The following STAG1 variants were observed in gnomAD, a reference collection of about 807,000 sequenced individuals.
STAG1 encodes STAG1 cohesin complex component, also known as cohesin subunit SA-1.
STAG1 carries 26 observed loss-of-function variants against 170.9 expected under a neutral mutation model. The ratio of observed to expected loss-of-function variants is 0.15; its 90% CI spans 0.11 to 0.21. STAG1 has a LOEUF of 0.21. Ranked by LOEUF, STAG1 falls within the 10% of genes least tolerant of loss-of-function variation. The pLI is 1.00. For synonymous variants in STAG1, 514 were observed against 497.7 expected, an observed-to-expected ratio of 1.03 and a Z score of -0.44; for missense variants, 964 against 1,509.5, an observed-to-expected ratio of 0.64 and a Z score of 5.99.
rs114155797 is a variant in STAG1 at position 136,473,822 on chromosome 3, A to C, written c.1027-185T>G. 7.7e-3 allele frequency among the ~76,000 whole-genome samples: 1,173 copies of C among 152,034 alleles called. 19 individuals are homozygous for C. Among genetic ancestry groups the C allele is most frequent in the African/African-American group, 0.027 (1,141 of 41,504 alleles). ...TATATGTAAAAAAAAAAAAAAATTC[A>C]CTGAAAAGACCTTAGTTACTTGAGA... On this transcript the variant is annotated intron_variant, in intron 10 of 33. Transcript: ENST00000383202.
Position 136,420,464 on chromosome 3 carries a change from C to A in STAG1, c.2108+629G>T, listed in dbSNP as rs117846936. Among the ~76,000 whole-genome samples, 120 of 152,112 alleles carry A rather than the reference C, an allele frequency of 7.9e-4. 1 individual carries two copies. In the East Asian group the frequency reaches 0.023, roughly 29 times the overall value. On this transcript the variant is annotated intron_variant, in intron 20 of 33. Transcript: ENST00000383202. ...CCACCTCCCTTGGCTTCCCAAAGTG[C>A]TGGGATTATAAGGTGTGAGTCATCA...
chr3:136,596,377 C>T (rs1047442782), intron 4 of STAG1, among the ~76,000 whole-genome samples: 6 of 152,144 alleles, frequency 3.9e-5, no homozygotes, highest in African/African-American at 1.2e-4. Context: ...TGTTCATTAG[C>T]GTTTTTAATA....
intron 6 of STAG1, among the ~76,000 whole-genome samples, chr3:136,529,643 T>A (rs937981857): frequency 2.0e-5 from 3 of 152,066 alleles, no homozygotes; most frequent in African/African-American, 7.2e-5. Context: ...CACAAAAAAA[T>A]GCTCAAGAGA....
chr3:136,644,548 A>AG (rs1210217200), intron 1 of STAG1, among the ~76,000 whole-genome samples: 3 of 152,236 alleles, frequency 2.0e-5, no homozygotes, highest in Admixed American at 1.3e-4. Flanking sequence ...AAAAACTGTT[A>AG]TACTAAGTAC....
intron 32 of STAG1, 81 bp from the exon 33 acceptor site, chr3:136,338,531 CAG>C: frequency 1.9e-6 from 2 of 1,041,466 alleles, no homozygotes; most frequent in Non-Finnish European, 3.0e-6. Flanking sequence ...ATATTTCTGA[CAG>C]TATCATAAAT....
At position 136,343,898 on chromosome 3, in the gene STAG1, C is replaced by T. The variant is rs760773777; in HGVS notation, c.3380G>A (p.Arg1127Gln). 8.7e-6 allele frequency: 14 copies of T among 1,609,142 alleles called. No individual in the cohort carries two copies. The highest frequency in any genetic ancestry group is 3.3e-4 in the Middle Eastern group (2 of 6,074). Residue 1127 changes from arginine (R) to glutamine (Q), a missense_variant, in exon 30 of 34, where the codon CGG becomes CAG. By Grantham distance (43) the Arg-to-Gln change is conservative. This residue lies in a region of STAG1 where 122 missense variants were observed against 129.0 expected (regional missense o/e 0.95). Transcript: ENST00000383202. The part of the protein sequence containing the change: ...LTSTVLRENS[R>Q]PMGDQIQEPE... Reference sequence around the variant, plus strand: ...TTCTTGAATCTGGTCTCCCATGGGCCGACTGTTCTCCCGCAGTACAGTGGA... The same window carrying T: ...TTCTTGAATCTGGTCTCCCATGGGCTGACTGTTCTCCCGCAGTACAGTGGA...
At chr3:136,420,313 T>C (rs1248382886) in intron 20 of STAG1, among the ~76,000 whole-genome samples, 1 of 144,316 alleles carries the variant, frequency 6.9e-6, no homozygotes, top group Non-Finnish European at 1.5e-5. Flanking sequence ...GAAAACTGAA[T>C]AAAGGAAAAA....
intron 1 of STAG1, among the ~76,000 whole-genome samples, chr3:136,683,515 C>T (rs1183920363): frequency 3.9e-5 from 6 of 152,036 alleles, no homozygotes; most frequent in Non-Finnish European, 4.4e-5. Context: ...CCACCAGCCT[C>T]GGCCTCCCAA....
chr3:136,604,573 A>T (rs1008577115), intron 3 of STAG1, 100 bp from the exon 4 acceptor site: 4 of 1,074,004 alleles, frequency 3.7e-6, no homozygotes, highest in African/African-American at 3.3e-5. Context: ...AACCAAAAGA[A>T]ACTTTAAAAT....
intron 16 of STAG1, among the ~76,000 whole-genome samples, chr3:136,432,365 C>A (rs971719944): frequency 6.6e-6 from 1 of 152,038 alleles, no homozygotes; most frequent in Non-Finnish European, 1.5e-5. Context: ...AACATATAGC[C>A]CTACTGAGAA....
chr3:136,685,776 T>TG (rs1052714287), intron 1 of STAG1, among the ~76,000 whole-genome samples: 2 of 152,146 alleles, frequency 1.3e-5, no homozygotes, highest in Non-Finnish European at 2.9e-5. Context: ...TGCAAAGGGT[T>TG]GGGGGGACTA....
At chr3:136,352,049 A>C (rs1223570877) in intron 28 of STAG1, among the ~76,000 whole-genome samples, 1 of 152,174 alleles carries the variant, frequency 6.6e-6, no homozygotes, top group Non-Finnish European at 1.5e-5. Context: ...CAAGTAACTA[A>C]ACAAATAAAT....
rs1342890284 is a variant in STAG1, at chr3:136,511,340, T to C, written c.677-8561A>G. Among the ~76,000 whole-genome samples the C allele has an allele frequency of 2.1e-4, 32 of 152,192 alleles. 1 individual carries two copies. ...TAAATCATTCTATCATAAAGACACA[T>C]GGATGCACATGTTCACTGCAGCACT... On this transcript the variant is annotated intron_variant, in intron 7 of 33. Transcript: ENST00000383202.
At chr3:136,531,423 G>T (rs2107928746) in intron 6 of STAG1, among the ~76,000 whole-genome samples, 1 of 150,762 alleles carries the variant, frequency 6.6e-6, no homozygotes, top group African/African-American at 2.4e-5. Flanking sequence ...TATAACCAAA[G>T]GACTATAAAT....
chr3:136,395,441 G>A (rs2087122365), intron 22 of STAG1, among the ~76,000 whole-genome samples: 2 of 152,012 alleles, frequency 1.3e-5, no homozygotes, highest in Non-Finnish European at 1.5e-5. Context: ...TGGCCAACGT[G>A]GTGAAACCCA....
At chr3:136,670,393 A>G (rs886822576) in intron 1 of STAG1, among the ~76,000 whole-genome samples, 1 of 152,238 alleles carries the variant, frequency 6.6e-6, no homozygotes, top group African/African-American at 2.4e-5. Context: ...ACCCTAATTT[A>G]ATTTACCACA....
intron 6 of STAG1, among the ~76,000 whole-genome samples, chr3:136,539,786 A>G (rs1353001203): frequency 1.3e-5 from 2 of 152,214 alleles, no homozygotes; most frequent in Non-Finnish European, 2.9e-5. Flanking sequence ...TAAAAAGATT[A>G]TTAACCAACA....
chr3:136,652,911 A>G (rs920921603), intron 1 of STAG1, among the ~76,000 whole-genome samples: 1 of 152,116 alleles, frequency 6.6e-6, no homozygotes, highest in African/African-American at 2.4e-5. Context: ...AAACTGTGAC[A>G]ACCAAAAATG....
At chr3:136,354,324 A>G (rs1936544891) in intron 28 of STAG1, among the ~76,000 whole-genome samples, 1 of 152,094 alleles carries the variant, frequency 6.6e-6, no homozygotes. Context: ...GCGGAATCGC[A>G]CTCTATCGTC....
Sources: allele counts gnomAD v4.1 joint callset (sites outside exome capture counted in the v4.1 genomes callset), GRCh38; gene constraint gnomAD v4.1.1; regional missense constraint gnomAD v4.1.1; transcripts MANE v1.5; gene names NCBI Gene and HGNC (gene_info 2026-07-23, HGNC 2026-07-21).